Variants in PLCL2 observed in about 807,000 individuals in gnomAD.
PLCL2 encodes inactive phospholipase C-like protein 2.
Under a neutral mutation model 79.6 loss-of-function variants are expected in PLCL2, and 4 were observed. That is an observed-to-expected ratio of 0.05 (90% CI 0.02 to 0.11). The LOEUF is 0.11. PLCL2 is among the 10% of genes least tolerant of loss of function. The pLI is 1.00. For missense variants in PLCL2, 895 were observed against 1,291.0 expected (o/e 0.69, Z 4.70); for synonymous variants, 484 against 457.7 (o/e 1.06, Z -0.73).
At chr3:16,948,403 G>A in intron 1 of PLCL2, among the ~76,000 whole-genome samples, 1 of 152,100 alleles carries the variant, frequency 6.6e-6, no homozygotes, top group East Asian at 1.9e-4. Flanking sequence ...TAATGGGTGT[G>A]GAGTTTATTT....
At chr3:16,977,114 GCACACA>G (rs140307662) in intron 1 of PLCL2, among the ~76,000 whole-genome samples, 2 of 149,776 alleles carry the variant, frequency 1.3e-5, no homozygotes, top group Non-Finnish European at 3.0e-5. Flanking sequence ...CATTGAATAC[GCACACA>G]CACACACACA....
intron 4 of PLCL2, among the ~76,000 whole-genome samples, chr3:17,051,629 T>G (rs1674450789): frequency 2.6e-5 from 4 of 152,134 alleles, no homozygotes; most frequent in Admixed American, 2.0e-4. Flanking sequence ...CTAACTCTAC[T>G]GTTTTGTGCA....
intron 5 of PLCL2, among the ~76,000 whole-genome samples, chr3:17,078,288 C>T (rs1024579916): frequency 1.3e-5 from 2 of 152,150 alleles, no homozygotes; most frequent in Admixed American, 6.5e-5. Flanking sequence ...TCTCATTTCT[C>T]GTGATTCTTG....
intron 4 of PLCL2, among the ~76,000 whole-genome samples, chr3:17,059,391 AAAAAG>A (rs2064922569): frequency 6.6e-6 from 1 of 151,344 alleles, no homozygotes; most frequent in Non-Finnish European, 1.5e-5. Context: ...AAAAAAAAAA[AAAAAG>A]AATAAAGAGG....
chr3:16,901,455 G>A (rs1360200837), intron 1 of PLCL2, among the ~76,000 whole-genome samples: 2 of 152,152 alleles, frequency 1.3e-5, no homozygotes, highest in Non-Finnish European at 1.5e-5. Flanking sequence ...CACACAAATG[G>A]GCAACTGTTG....
chr3:16,931,181 C>T (rs1697384853), intron 1 of PLCL2, among the ~76,000 whole-genome samples: 1 of 151,552 alleles, frequency 6.6e-6, no homozygotes, highest in Non-Finnish European at 1.5e-5. Flanking sequence ...CTCTAATGCT[C>T]ATGAAACTTT....
At chr3:16,937,778 G>A (rs534909609) in intron 1 of PLCL2, among the ~76,000 whole-genome samples, 1 of 152,098 alleles carries the variant, frequency 6.6e-6, no homozygotes, top group Non-Finnish European at 1.5e-5. Flanking sequence ...CCCTGTTGCC[G>A]ATTTTAAAAA....
intron 1 of PLCL2, among the ~76,000 whole-genome samples, chr3:16,993,722 A>C (rs1317504764): frequency 6.6e-6 from 1 of 152,342 alleles, no homozygotes; most frequent in Admixed American, 6.5e-5. Context: ...TTTATGTAAA[A>C]TCTAAGCATG....
intron 3 of PLCL2, among the ~76,000 whole-genome samples, chr3:17,021,957 G>A (rs1009398425): frequency 5.3e-5 from 8 of 152,104 alleles, no homozygotes; most frequent in African/African-American, 1.7e-4. Context: ...AATGGGACCC[G>A]GCTGTTAGCA....
intron 1 of PLCL2, among the ~76,000 whole-genome samples, chr3:16,970,293 T>C (rs1023022279): frequency 1.3e-5 from 2 of 150,868 alleles, no homozygotes; most frequent in Admixed American, 6.7e-5. Flanking sequence ...TTCCCACCAA[T>C]AAGTGAGAAC....
At chr3:16,926,465 AT>A (rs1697251806) in intron 1 of PLCL2, among the ~76,000 whole-genome samples, 1 of 152,202 alleles carries the variant, frequency 6.6e-6, no homozygotes, top group Non-Finnish European at 1.5e-5. Context: ...TAAGTGCTAA[AT>A]AAATGTTAAC....
chr3:16,957,932 GA>G (rs1283034037), intron 1 of PLCL2, among the ~76,000 whole-genome samples: 1 of 152,198 alleles, frequency 6.6e-6, no homozygotes, highest in Non-Finnish European at 1.5e-5. Flanking sequence ...CTCTGCACGT[GA>G]GATGGGTTTC....
chr3:17,077,205 A>G (rs1306191243), intron 5 of PLCL2, among the ~76,000 whole-genome samples: 2 of 152,168 alleles, frequency 1.3e-5, no homozygotes, highest in Admixed American at 1.3e-4. Flanking sequence ...ACTGTGTTGT[A>G]CTATCTGAAA....
intron 1 of PLCL2, among the ~76,000 whole-genome samples, chr3:16,973,868 A>C (rs1309501488): frequency 2.0e-5 from 3 of 152,230 alleles, no homozygotes; most frequent in African/African-American, 7.2e-5. Flanking sequence ...TGAGAGAAAT[A>C]GATATAAAAT....
At chr3:16,954,327 T>G (rs145143749) in intron 1 of PLCL2, among the ~76,000 whole-genome samples, 1,526 of 152,302 alleles carry the variant, frequency 0.01, 30 homozygotes, top group African/African-American at 0.035. Flanking sequence ...GTTTCCAGTT[T>G]CATCCATGTC....
chr3:16,959,461 G>T (rs1380899077), intron 1 of PLCL2, among the ~76,000 whole-genome samples: 1 of 151,964 alleles, frequency 6.6e-6, no homozygotes, highest in Non-Finnish European at 1.5e-5. Flanking sequence ...TTTATTCCTT[G>T]TGGCTTTTAT....
chr3:16,903,141 T>C (rs1477516966), intron 1 of PLCL2, among the ~76,000 whole-genome samples: 1 of 152,208 alleles, frequency 6.6e-6, no homozygotes, highest in African/African-American at 2.4e-5. Context: ...AGTATTCAGG[T>C]GAAGCAATTA....
chr3:16,925,896 TG>T (rs1439940545), intron 1 of PLCL2, among the ~76,000 whole-genome samples: 11 of 152,326 alleles, frequency 7.2e-5, no homozygotes, highest in Admixed American at 5.9e-4. Context: ...TATCTAGAAG[TG>T]GAATTGATGG....
At chr3:17,020,572 A>C (rs79180429) in intron 3 of PLCL2, among the ~76,000 whole-genome samples, 2,709 of 152,108 alleles carry the variant, frequency 0.018, 96 homozygotes, top group African/African-American at 0.062. Context: ...GCAACTTCAC[A>C]AAAGTCTTGA....
Sources: allele counts gnomAD v4.1 joint callset (sites outside exome capture counted in the v4.1 genomes callset), GRCh38; gene constraint gnomAD v4.1.1; transcripts MANE v1.5; gene names NCBI Gene and HGNC (gene_info 2026-07-23, HGNC 2026-07-21).